Variants in PACSIN2 observed in about 807,000 individuals in gnomAD.
PACSIN2 encodes the protein protein kinase C and casein kinase substrate in neurons protein 2.
A neutral mutation model predicts 63.8 loss-of-function variants in PACSIN2; 25 were observed. The ratio of observed to expected loss-of-function variants is 0.39; its 90% CI spans 0.29 to 0.55. The LOEUF (loss-of-function observed/expected upper bound fraction) is 0.55. Among genes scored for constraint, PACSIN2 ranks in the 20% least tolerant of loss-of-function variants. The pLI is 0.62. For missense variants in PACSIN2, 518 were observed against 646.9 expected, an observed-to-expected ratio of 0.80 and a Z score of 2.16; for synonymous variants, 255 against 256.2, an observed-to-expected ratio of 1.00 and a Z score of 0.05.
chr22:43,009,695 T>C (rs1017826098), intron 1 of PACSIN2, among the ~76,000 whole-genome samples: 1 of 152,168 alleles, frequency 6.6e-6, no homozygotes, highest in Admixed American at 6.6e-5. Context: ...TGTCATCTCA[T>C]ATTCTTGGGA....
chr22:42,888,243 C>T (rs559741855), intron 5 of PACSIN2, among the ~76,000 whole-genome samples: 15 of 152,166 alleles, frequency 9.9e-5, no homozygotes, highest in Non-Finnish European at 1.5e-4. Context: ...TCCATACCAG[C>T]TCACACCACA....
intron 1 of PACSIN2, among the ~76,000 whole-genome samples, chr22:42,971,226 C>T (rs1013708178): frequency 6.6e-6 from 1 of 152,230 alleles, no homozygotes; most frequent in Admixed American, 6.5e-5. Context: ...CCTGGGATTG[C>T]AGGCGCGCGC....
At chr22:42,882,474 AC>A (rs929987762) in intron 6 of PACSIN2, among the ~76,000 whole-genome samples, 170 bp from the exon 7 acceptor site, 13 of 152,270 alleles carry the variant, frequency 8.5e-5, no homozygotes, top group Admixed American at 7.8e-4. Context: ...ACGGGCCGCC[AC>A]GTGCACAGAT....
intron 1 of PACSIN2, among the ~76,000 whole-genome samples, chr22:42,967,826 T>C (rs1055715311): frequency 6.6e-6 from 1 of 152,224 alleles, no homozygotes; most frequent in African/African-American, 2.4e-5. Flanking sequence ...AGGCAGAGTT[T>C]GCAGTGAGCC....
chr22:42,877,376 G>A (rs868533256), intron 8 of PACSIN2, among the ~76,000 whole-genome samples: 18 of 152,068 alleles, frequency 1.2e-4, no homozygotes, highest in African/African-American at 4.3e-4. Flanking sequence ...AGCTGGGGGG[G>A]TCAAAAAGCC....
intron 1 of PACSIN2, among the ~76,000 whole-genome samples, chr22:42,941,757 T>C (rs1028948247): frequency 2.0e-5 from 3 of 152,090 alleles, no homozygotes; most frequent in African/African-American, 4.8e-5. Context: ...ATTGCTGAGT[T>C]TGGGGTTTTT....
intron 4 of PACSIN2, among the ~76,000 whole-genome samples, chr22:42,889,699 G>A (rs1929763871): frequency 6.6e-6 from 1 of 152,100 alleles, no homozygotes; most frequent in South Asian, 2.1e-4. Context: ...CTCCATTCCA[G>A]CTAGGAATGG....
At chr22:42,957,615 CG>C (rs1301182999) in intron 1 of PACSIN2, among the ~76,000 whole-genome samples, 3 of 152,158 alleles carry the variant, frequency 2.0e-5, no homozygotes, top group Middle Eastern at 3.4e-3. Flanking sequence ...TAAATTAAAT[CG>C]TTTTCTCCTT....
chr22:42,894,766 A>G (rs563373324), intron 2 of PACSIN2, among the ~76,000 whole-genome samples: 2 of 152,350 alleles, frequency 1.3e-5, no homozygotes. Context: ...TTGAAAGGCT[A>G]CAGTCGCTGA....
chr22:42,962,890 T>C (rs1286199084), intron 1 of PACSIN2, among the ~76,000 whole-genome samples: 1 of 151,754 alleles, frequency 6.6e-6, no homozygotes. Context: ...TCCCTGCCCA[T>C]GTCAGCCACA....
intron 1 of PACSIN2, among the ~76,000 whole-genome samples, chr22:42,938,198 T>G (rs1232297115): frequency 2.0e-5 from 3 of 152,214 alleles, no homozygotes; most frequent in Non-Finnish European, 4.4e-5. Flanking sequence ...AGATCCAGTT[T>G]CCAAGTTGTT....
Position 42,980,358 on chromosome 22 carries a change from C to A in PACSIN2, c.-78+34663G>T, listed in dbSNP as rs543074179. On this transcript the variant is annotated intron_variant, in intron 1 of 10. Coordinates refer to ENST00000263246, the MANE Select transcript of PACSIN2 (RefSeq NM_001184970.3). Reference sequence around the variant, plus strand: ...GCAGGACCTTGTCTCTACTAAAAATCAAAAACACTAGCTTGTCATGGTCAT... The same window carrying A: ...GCAGGACCTTGTCTCTACTAAAAATAAAAAACACTAGCTTGTCATGGTCAT... Among the ~76,000 whole-genome samples the A allele has an allele frequency of 1.6e-4, 24 of 152,182 alleles. 1 individual carries two copies. The highest frequency in any genetic ancestry group is 7.8e-4 in the Admixed American group (12 of 15,300).
chr22:42,897,617 T>G (rs77026686), intron 2 of PACSIN2, among the ~76,000 whole-genome samples: 1 of 152,178 alleles, frequency 6.6e-6, no homozygotes, highest in African/African-American at 2.4e-5. Flanking sequence ...AGACAAATGC[T>G]CAGCATACAT....
intron 1 of PACSIN2, among the ~76,000 whole-genome samples, chr22:42,944,111 G>C (rs889461295): frequency 2.0e-5 from 3 of 152,170 alleles, no homozygotes; most frequent in Non-Finnish European, 4.4e-5. Flanking sequence ...AAAGCCCCCA[G>C]CCTCTCCTGT....
intron 8 of PACSIN2, among the ~76,000 whole-genome samples, chr22:42,878,061 C>A (rs542706787): frequency 5.3e-5 from 8 of 152,220 alleles, no homozygotes; most frequent in African/African-American, 1.9e-4. Context: ...CTGAGCTCAC[C>A]GGCCCTCCTC....
rs183714063 is a variant in PACSIN2 at position 42,889,692 on chromosome 22, C to T, written c.454-894G>A. The stretch of plus-strand genomic sequence containing the variant: ...GGGGTGGCACATCTACCGTCTACTC[C>T]ATTCCAGCTAGGAATGGGGGGCGAG... On this transcript the variant is annotated intron_variant, in intron 4 of 10. Transcript: ENST00000263246. Among the ~76,000 whole-genome samples, 1,346 of 152,146 alleles carry T rather than the reference C, an allele frequency of 8.8e-3. 8 individuals are homozygous for T. The highest frequency in any genetic ancestry group is 0.024 in the Middle Eastern group (7 of 294).
rs563231572 is a variant in PACSIN2, at chr22:43,001,055, C to G, written c.-78+13966G>C. Among the ~76,000 whole-genome samples the G allele has an allele frequency of 2.0e-5, 3 of 152,346 alleles. No homozygotes were observed. The East Asian group carries it at 5.8e-4, about 29-fold the overall frequency. On this transcript the variant is annotated intron_variant, in intron 1 of 10. Transcript: ENST00000263246. ...CGTCCGACCTCAAATAAAACTTAGG[C>G]CAAGGGCTGCTATGGAATCACGTCT...
chr22:42,876,218 C>T lies in PACSIN2; in HGVS notation c.1267G>A (p.Ala423Thr), dbSNP rs768077406. The T allele has an allele frequency of 1.2e-5, 19 of 1,614,052 alleles. No homozygotes were observed. Among genetic ancestry groups the T allele is most frequent in the East Asian group, 4.5e-5 (2 of 44,900 alleles). ...ACTCGCACTTCCGTCCCCGAGGTGGCGTCGTCGTCGAATGGATTCGAGTCC... is the reference window on the plus strand; with the variant it reads ...ACTCGCACTTCCGTCCCCGAGGTGGTGTCGTCGTCGAATGGATTCGAGTCC... ...NGDSNPFDDD[A>T]TSGTEVRVRA... Residue 423 changes from alanine (A) to threonine (T), a missense_variant, in exon 10 of 11, where the codon GCC (alanine) becomes ACC (threonine). By Grantham distance (58) the Ala-to-Thr change is moderately conservative. This residue lies in a region of PACSIN2 where 507 missense variants were observed against 612.3 expected (regional missense o/e 0.83). Coordinates refer to ENST00000263246, the MANE Select transcript of PACSIN2 (RefSeq NM_001184970.3).
At chr22:42,989,991 T>C (rs549423561) in intron 1 of PACSIN2, among the ~76,000 whole-genome samples, 8 of 117,240 alleles carry the variant, frequency 6.8e-5, no homozygotes, top group African/African-American at 2.3e-4. Context: ...TATTTATATA[T>C]ACATATATAC....
Sources: gnomAD v4.1 joint callset for allele counts (sites outside exome capture counted in the v4.1 genomes callset) on GRCh38, gnomAD v4.1.1 for gene constraint, gnomAD v4.1.1 regional missense constraint, MANE v1.5 for transcripts, NCBI Gene and HGNC (gene_info 2026-07-23, HGNC 2026-07-21) for gene names.